The following PANK4 variants were observed in gnomAD, a reference collection of about 807,000 sequenced individuals.
PANK4 encodes 4'-phosphopantetheine phosphatase.
In PANK4, 40 loss-of-function variants were observed where a neutral mutation model predicts 87.9. The observed-to-expected ratio is 0.46, with a 90% CI of 0.35 to 0.59. The LOEUF is 0.59. Ranked by LOEUF, PANK4 falls within the 20% of genes least tolerant of loss-of-function variation. PANK4 has a pLI of 0.00. For missense variants in PANK4, 926 were observed against 1,072.3 expected (o/e 0.86, Z 1.90); for synonymous variants, 524 against 467.4 (o/e 1.12, Z -1.56).
At position 2,519,243 on chromosome 1, in the gene PANK4, C is replaced by T. The variant is rs758176055; in HGVS notation, c.935G>A (p.Arg312Gln). ...GTACACGCGGTCCAGGCTGTGCAGC[C>T]GTGCGTGGAGGCAGGCCAGCTGCCC... ...DIGQLACLHARLHSLDRVYFG... is the reference protein window; with the variant it reads ...DIGQLACLHAQLHSLDRVYFG... Residue 312 changes from arginine to glutamine, a missense_variant, in exon 7 of 19, where the codon CGG (arginine) becomes CAG (glutamine). Transcript: ENST00000378466. This position sits in a 1 kb window ranked among gnomAD's most constrained non-coding sequence, Gnocchi z 8.3. 17 of 1,612,588 alleles carry T rather than the reference C, an allele frequency of 1.1e-5. No individual in the cohort carries two copies. The highest frequency in any genetic ancestry group is 2.2e-5 in the South Asian group (2 of 91,088).
At chr1:2,517,714 C>T (rs1230954598) in intron 9 of PANK4, among the ~76,000 whole-genome samples, 2 of 152,218 alleles carry the variant, frequency 1.3e-5, no homozygotes, top group Admixed American at 1.3e-4. Context: ...CGGGACACCC[C>T]GAGGAGAGCA....
chr1:2,521,084 T>G lies in PANK4; in HGVS notation c.422+17A>C. 1.2e-6 allele frequency: 2 copies of G among 1,603,966 alleles called. No homozygotes were observed. On this transcript the variant is annotated intron_variant, in intron 3 of 18. Coordinates refer to ENST00000378466, the MANE Select transcript of PANK4 (RefSeq NM_018216.4). ...GCAGACACATGTTCCTTTCTCGCCC[T>G]TGAGATCCCCACTCACTTCAGCCGC...
Position 2,515,731 on chromosome 1 carries a change from AG to A in PANK4, c.1219-15del. 6.2e-7 allele frequency: 1 copy of A among 1,611,950 alleles called. No individual in the cohort carries two copies. The highest frequency in any genetic ancestry group is 8.5e-7 in the Non-Finnish European group (1 of 1,179,326). On this transcript the variant is annotated splice_polypyrimidine_tract_variant and intron_variant, in intron 9 of 18. Coordinates refer to ENST00000378466, the MANE Select transcript of PANK4 (RefSeq NM_018216.4). The surrounding 1 kb of genome is among the most constrained non-coding windows in gnomAD (Gnocchi z 5.0). ...CAGCAAGTCAAACTGGAAGACAGGC[AG>A]TGGCAGGGTGGAAACGTCACCATGG...
In PANK4 at chr1:2,520,781, T is replaced by G; in HGVS notation, c.548A>C (p.His183Pro). 3 of 1,613,204 alleles carry G rather than the reference T, an allele frequency of 1.9e-6. No individual in the cohort carries two copies. Among genetic ancestry groups the G allele is most frequent in the Non-Finnish European group, 2.5e-6 (3 of 1,179,764 alleles). ...AAGAAGATAGGGGAAAATGTGGGGG[T>G]GGTTGGTCTGGAACCGGAACTCAGG... The part of the protein sequence containing the change: ...SDPEFRFQTN[H>P]PHIFPYLLVN... The change falls in exon 4 of 19, where the codon CAC (histidine) becomes CCC (proline). Residue 183 changes from histidine (H) to proline (P), a missense_variant. Coordinates refer to ENST00000378466, the MANE Select transcript of PANK4 (RefSeq NM_018216.4). The surrounding 1 kb of genome is among the most constrained non-coding windows in gnomAD (Gnocchi z 6.2).
Position 2,510,398 on chromosome 1 carries a change from T to G in PANK4, c.1939-241A>C. ...CCTGCCCCTGGGACCTGCCTGTCTGTGAAGTCACAGCCCCAAAGCCTCCTT... is the reference window on the plus strand; with the variant it reads ...CCTGCCCCTGGGACCTGCCTGTCTGGGAAGTCACAGCCCCAAAGCCTCCTT... On this transcript the variant is annotated intron_variant, in intron 16 of 18. Transcript: ENST00000378466. The surrounding 1 kb of genome is among the most constrained non-coding windows in gnomAD (Gnocchi z 4.9). The G allele has an allele frequency of 2.3e-6, 1 of 437,396 alleles. No homozygotes were observed. The highest frequency in any genetic ancestry group is 3.7e-6 in the Non-Finnish European group (1 of 267,466). 27.1% of individuals were successfully genotyped at this position (437,396 alleles called of 1,614,324 possible).
rs765689736 is a variant in PANK4 at position 2,509,877 on chromosome 1, G to A, written c.2093C>T (p.Pro698Leu). The change falls in exon 18 of 19, where the codon CCG (proline) becomes CTG (leucine). Residue 698 changes from proline (P) to leucine (L), a missense_variant. Transcript: ENST00000378466. The surrounding 1 kb of genome is among the most constrained non-coding windows in gnomAD (Gnocchi z 4.9). ...GCGGGGTTACCTGAGGTCGAGGCAC[G>A]GGGAGCTGGAGCCCGTCTGCACCAG... is the stretch of plus-strand genomic sequence containing the variant. The part of the protein sequence containing the change: ...LLLVQTGSSS[P>L]CLDLSRLDKG... 3.1e-6 allele frequency: 5 copies of A among 1,611,936 alleles called. No individual in the cohort carries two copies. Among genetic ancestry groups the A allele is most frequent in the Non-Finnish European group, 4.2e-6 (5 of 1,179,782 alleles).
At position 2,515,669 on chromosome 1, in the gene PANK4, G is replaced by A; in HGVS notation, c.1267C>T (p.Pro423Ser). The A allele has an allele frequency of 1.2e-6, 2 of 1,612,730 alleles. No individual in the cohort carries two copies. The highest frequency in any genetic ancestry group is 1.7e-6 in the Non-Finnish European group (2 of 1,179,864). The part of the protein sequence containing the change: ...DRLERPLVDL[P>S]LLLDPPSYVP... ...TAGGAGGGCGGGTCCAGGAGGAGCG[G>A]CAGGTCAACCAGTGGCCTCTCCAGC... The change falls in exon 10 of 19, where the codon CCG becomes TCG. Residue 423 changes from proline (P) to serine (S), a missense_variant. By Grantham distance (74) the Pro-to-Ser change is moderately conservative. Transcript: ENST00000378466. The surrounding 1 kb of genome is among the most constrained non-coding windows in gnomAD (Gnocchi z 5.0).
At position 2,518,182 on chromosome 1, in the gene PANK4, C is replaced by T. The variant is rs139298917; in HGVS notation, c.1200G>A (p.Gln400=). 3 of 1,607,604 alleles carry T rather than the reference C, an allele frequency of 1.9e-6. No individual in the cohort carries two copies. Among genetic ancestry groups the T allele is most frequent in the Non-Finnish European group, 2.5e-6 (3 of 1,178,528 alleles). ...MSASPELGPA[Q]RARSGTFDLL... ...TACTCACAGTGCCACTCCGCGCCCG[C>T]TGCGCCGGGCCGAGCTCGGGTGATG... The change falls in exon 9 of 19, where the codon CAG becomes CAA. Residue 400 remains glutamine (Q), a synonymous_variant. Transcript: ENST00000378466.
chr1:2,521,926 C>T (rs760458072), intron 1 of PANK4, 126 bp from the exon 2 acceptor site: 4 of 727,012 alleles, frequency 5.5e-6, no homozygotes, highest in Admixed American at 4.4e-5. Flanking sequence ...TTTGGGGCTA[C>T]TGGAACTTAA....
At position 2,511,401 on chromosome 1, in the gene PANK4, A is replaced by G. The variant is rs757877682; in HGVS notation, c.1784-14T>C. On this transcript the variant is annotated splice_polypyrimidine_tract_variant and intron_variant, in intron 14 of 18. Coordinates refer to ENST00000378466, the MANE Select transcript of PANK4 (RefSeq NM_018216.4). ...GCCAGGGTCTTTCTGAGACAGAGAG[A>G]GGGACACATGATTAGCCCGGTGCTC... 1.6e-5 allele frequency: 26 copies of G among 1,601,446 alleles called. No homozygotes were observed. The highest frequency in any genetic ancestry group is 2.2e-5 in the Non-Finnish European group (26 of 1,169,554).
Position 2,515,613 on chromosome 1 carries a change from G to T in PANK4, c.1323C>A (p.Asp441Glu). 1 of 1,613,338 alleles carries T rather than the reference G, an allele frequency of 6.2e-7. No individual in the cohort carries two copies. Among genetic ancestry groups the T allele is most frequent in the South Asian group, 1.1e-5 (1 of 91,084 alleles). ...YVPDTVDLTD[D>E]ALARKYWLTC... ...TGAGCCAGTATTTTCGGGCCAGAGC[G>T]TCATCGGTGAGGTCCACCGTGTCGG... is the stretch of plus-strand genomic sequence containing the variant. The change falls in exon 10 of 19, where the codon GAC (aspartate) becomes GAA (glutamate). Residue 441 changes from aspartate to glutamate, a missense_variant. Coordinates refer to ENST00000378466, the MANE Select transcript of PANK4 (RefSeq NM_018216.4). The surrounding 1 kb of genome is among the most constrained non-coding windows in gnomAD (Gnocchi z 5.0).
In PANK4 at chr1:2,509,250, G is replaced by C. The variant is rs1313415587; in HGVS notation, c.2109-190C>G. ...TCCTCAGAGCAGCAGCTCACACAGGGCCAGAGCAGCTGCAGCTTGGAAACT... is the reference window on the plus strand; with the variant it reads ...TCCTCAGAGCAGCAGCTCACACAGGCCCAGAGCAGCTGCAGCTTGGAAACT... On this transcript the variant is annotated intron_variant, in intron 18 of 18. Transcript: ENST00000378466. This position sits in a 1 kb window ranked among gnomAD's most constrained non-coding sequence, Gnocchi z 4.9. Among the ~76,000 whole-genome samples, 1 of 152,128 alleles carries C rather than the reference G, an allele frequency of 6.6e-6. No individual in the cohort carries two copies. The highest frequency in any genetic ancestry group is 2.4e-5 in the African/African-American group (1 of 41,436).
intron 13 of PANK4, 196 bp downstream of exon 13, chr1:2,512,692 A>G: frequency 1.7e-6 from 1 of 594,038 alleles, no homozygotes; most frequent in South Asian, 2.0e-5. Flanking sequence ...CTGAGGGGAC[A>G]GACAAGGGCG....
At position 2,512,958 on chromosome 1, in the gene PANK4, G is replaced by A. The variant is rs768656422; in HGVS notation, c.1657C>T (p.Arg553Trp). 3.7e-6 allele frequency: 6 copies of A among 1,612,526 alleles called. No individual in the cohort carries two copies. The highest frequency in any genetic ancestry group is 1.3e-5 in the African/African-American group (1 of 74,944). The change falls in exon 13 of 19, where the codon CGG becomes TGG. Residue 553 changes from arginine to tryptophan, a missense_variant. Arg to Trp is a moderately radical substitution (Grantham distance 101). Coordinates refer to ENST00000378466, the MANE Select transcript of PANK4 (RefSeq NM_018216.4). ...RSLDALGWEE[R>W]QLALVKGLLA... ...AGGCCTTTCACCAGCGCCAGCTGCC[G>A]TTCCTCCCAGCCCAGCGCGTCCAGG...
At chr1:2,514,776 C>T (rs1178798467) in intron 10 of PANK4, among the ~76,000 whole-genome samples, 5 of 152,008 alleles carry the variant, frequency 3.3e-5, no homozygotes, top group East Asian at 3.9e-4. Flanking sequence ...GAAAGGCTGA[C>T]GGTGACAGTT....
intron 7 of PANK4, among the ~76,000 whole-genome samples, chr1:2,518,877 A>G (rs1643834708): frequency 6.6e-6 from 1 of 152,228 alleles, no homozygotes; most frequent in South Asian, 2.1e-4. Context: ...CTGCGGGGGC[A>G]GGGGCACCCT....
At chr1:2,517,769 G>C (rs1417320646) in intron 9 of PANK4, among the ~76,000 whole-genome samples, 1 of 152,248 alleles carries the variant, frequency 6.6e-6, no homozygotes, top group Admixed American at 6.5e-5. Flanking sequence ...GGCAGTGTGC[G>C]GCAGAGCGCG....
chr1:2,510,611 C>A lies in PANK4; in HGVS notation c.1938+67G>T. On this transcript the variant is annotated intron_variant, in intron 16 of 18. Coordinates refer to ENST00000378466, the MANE Select transcript of PANK4 (RefSeq NM_018216.4). The surrounding 1 kb of genome is among the most constrained non-coding windows in gnomAD (Gnocchi z 4.9). ...CCCGACCACCGCCAGAGGCCCACAG[C>A]GGCGCCAACCCCACCGAGAGCAGAG... The A allele has an allele frequency of 2.1e-6, 2 of 932,768 alleles. No homozygotes were observed. The highest frequency in any genetic ancestry group is 1.3e-5 in the South Asian group (1 of 74,602). The allele number at this position is 932,768 out of a possible 1,614,324, so 57.8% of individuals were successfully genotyped here.
intron 14 of PANK4, 56 bp from the exon 15 acceptor site, chr1:2,511,443 G>C (rs1304713888): frequency 1.1e-5 from 15 of 1,348,792 alleles, no homozygotes; most frequent in Admixed American, 3.4e-5. Context: ...AGGGGTCAGG[G>C]AGACGCGTCT....
Sources: gnomAD v4.1 joint callset for allele counts (sites outside exome capture counted in the v4.1 genomes callset) on GRCh38, gnomAD v4.1.1 for gene constraint, Gnocchi (gnomAD v3.1) non-coding constraint, MANE v1.5 for transcripts, NCBI Gene and HGNC (gene_info 2026-07-23, HGNC 2026-07-21) for gene names.